BCAR3: variants seen among roughly 807,000 people sequenced by gnomAD.
The protein encoded by BCAR3 is breast cancer anti-estrogen resistance protein 3.
A neutral mutation model predicts 80.1 loss-of-function variants in BCAR3; 37 were observed. The observed-to-expected ratio is 0.46, with a 90% CI of 0.36 to 0.61. The LOEUF is 0.61. BCAR3 is among the 20% of genes least tolerant of loss of function. The pLI is 0.00. For missense variants in BCAR3, 978 were observed against 1,068.2 expected (o/e 0.92, Z 1.18); for synonymous variants, 389 against 418.9 (o/e 0.93, Z 0.87).
At chr1:93,777,482 C>CCTTCCT (rs1652611839) in intron 2 of BCAR3, among the ~76,000 whole-genome samples, 1 of 143,984 alleles carries the variant, frequency 6.9e-6, no homozygotes, top group South Asian at 2.2e-4. Flanking sequence ...TCCTCCTCCT[C>CCTTCCT]CTTCCTCTTC....
intron 2 of BCAR3, among the ~76,000 whole-genome samples, chr1:93,757,919 G>A (rs1442423135): frequency 1.3e-5 from 2 of 152,172 alleles, no homozygotes; most frequent in Middle Eastern, 3.2e-3. Flanking sequence ...AAGGAGGCTC[G>A]GACACAAGGT....
chr1:93,762,197 C>G (rs1378771400), intron 2 of BCAR3, among the ~76,000 whole-genome samples: 4 of 152,236 alleles, frequency 2.6e-5, no homozygotes, highest in Non-Finnish European at 5.9e-5. Context: ...ACAGACACAT[C>G]TCACTCCTCC....
intron 3 of BCAR3, among the ~76,000 whole-genome samples, chr1:93,702,571 G>C (rs1649683307): frequency 6.6e-6 from 1 of 152,190 alleles, no homozygotes; most frequent in South Asian, 2.1e-4. Flanking sequence ...TGGGGGTTGG[G>C]GGGATGTCCC....
chr1:93,663,527 T>C (rs1242809427), intron 2 of BCAR3, among the ~76,000 whole-genome samples: 1 of 152,156 alleles, frequency 6.6e-6, no homozygotes, highest in Non-Finnish European at 1.5e-5. Context: ...AAAGGCAGGA[T>C]TGCTTATCAA....
At chr1:93,703,349 A>G (rs1001975222) in intron 3 of BCAR3, among the ~76,000 whole-genome samples, 1 of 152,184 alleles carries the variant, frequency 6.6e-6, no homozygotes, top group Non-Finnish European at 1.5e-5. Flanking sequence ...GCTGAAGCAG[A>G]AGGATGCTTG....
intron 2 of BCAR3, among the ~76,000 whole-genome samples, chr1:93,724,526 A>G (rs1231003515): frequency 6.6e-6 from 1 of 152,232 alleles, no homozygotes; most frequent in Non-Finnish European, 1.5e-5. Context: ...AAGGGGGTGC[A>G]TCAAAGGATC....
At position 93,789,548 on chromosome 1, in the gene BCAR3, C is replaced by G. The variant is rs369639810; in HGVS notation, c.-63+56019G>C. Among the ~76,000 whole-genome samples, 41 of 152,296 alleles carry G rather than the reference C, an allele frequency of 2.7e-4. No homozygotes were observed. The South Asian group carries it at 8.3e-3, about 31-fold the overall frequency. On this transcript the variant is annotated intron_variant, in intron 2 of 13. Transcript: ENST00000370244. Reference sequence around the variant, plus strand: ...ATAATCTGGAAGAACAAACACCAAACTAATCACTGTGGCTGTAACTTGGGG... The same window carrying G: ...ATAATCTGGAAGAACAAACACCAAAGTAATCACTGTGGCTGTAACTTGGGG...
At chr1:93,797,205 G>A (rs932706247) in intron 2 of BCAR3, among the ~76,000 whole-genome samples, 8 of 152,130 alleles carry the variant, frequency 5.3e-5, no homozygotes, top group African/African-American at 1.7e-4. Context: ...ATAGTCCCTC[G>A]TTAGCCAGGC....
At chr1:93,641,284 A>C (rs1291880987) in intron 3 of BCAR3, among the ~76,000 whole-genome samples, 1 of 152,184 alleles carries the variant, frequency 6.6e-6, no homozygotes, top group Non-Finnish European at 1.5e-5. Context: ...GAGGGAGGAA[A>C]TGGCAGAACT....
intron 8 of BCAR3, 145 bp downstream of exon 8, chr1:93,575,869 G>A (rs1673433254): frequency 1.6e-6 from 1 of 627,624 alleles, no homozygotes; most frequent in Non-Finnish European, 2.8e-6. Flanking sequence ...AGGCTTCTGG[G>A]AAGAGTCGCT....
chr1:93,625,043 T>C (rs1570981888), intron 3 of BCAR3, among the ~76,000 whole-genome samples: 1 of 152,262 alleles, frequency 6.6e-6, no homozygotes, highest in East Asian at 1.9e-4. Flanking sequence ...ACCCCACCTC[T>C]ACTAAAAATA....
intron 8 of BCAR3, among the ~76,000 whole-genome samples, chr1:93,572,558 G>A (rs1445118735): frequency 6.6e-6 from 1 of 152,180 alleles, no homozygotes; most frequent in Admixed American, 6.5e-5. Flanking sequence ...AGGAAGCAGG[G>A]TGATCTTTTC....
intron 2 of BCAR3, among the ~76,000 whole-genome samples, chr1:93,801,132 A>G (rs1056313019): frequency 6.6e-6 from 1 of 152,054 alleles, no homozygotes; most frequent in Admixed American, 6.6e-5. Context: ...TGCCCATTTC[A>G]GTATTCTGCA....
intron 2 of BCAR3, among the ~76,000 whole-genome samples, chr1:93,802,094 A>G (rs560379590): frequency 6.6e-6 from 1 of 151,832 alleles, no homozygotes; most frequent in African/African-American, 2.4e-5. Context: ...GTGCCACTGC[A>G]CTGCAGCCTG....
intron 3 of BCAR3, chr1:93,599,128 G>T (rs2101863042): frequency 6.6e-6 from 1 of 152,218 alleles, no homozygotes; most frequent in East Asian, 1.9e-4. Context: ...TACCAAGTTG[G>T]TCCAATCAGA....
chr1:93,562,687 C>T (rs698933), intron 11 of BCAR3, among the ~76,000 whole-genome samples: 3 of 143,322 alleles, frequency 2.1e-5, no homozygotes, highest in African/African-American at 5.2e-5. Flanking sequence ...AGGAGAATGG[C>T]GTGAACCCGG....
chr1:93,775,365 A>AG (rs1455371798), intron 2 of BCAR3: 1 of 152,124 alleles, frequency 6.6e-6, no homozygotes, highest in Admixed American at 6.6e-5. Context: ...TGCTCTCCAT[A>AG]GAGAGGCACC....
chr1:93,721,012 T>C (rs1308210076), intron 2 of BCAR3, among the ~76,000 whole-genome samples: 1 of 152,218 alleles, frequency 6.6e-6, no homozygotes, highest in African/African-American at 2.4e-5. Flanking sequence ...CAGGTGCTTC[T>C]GGCTGAGGCG....
intron 2 of BCAR3, among the ~76,000 whole-genome samples, chr1:93,654,035 G>A (rs1458772871): frequency 6.6e-6 from 1 of 152,078 alleles, no homozygotes; most frequent in African/African-American, 2.4e-5. Context: ...CACCTCATCA[G>A]AACAAAACCC....
Sources: gnomAD v4.1 joint callset for allele counts (sites outside exome capture counted in the v4.1 genomes callset) on GRCh38, gnomAD v4.1.1 for gene constraint, MANE v1.5 for transcripts, NCBI Gene and HGNC (gene_info 2026-07-23, HGNC 2026-07-21) for gene names.